CYRIB: variants seen among roughly 807,000 people sequenced by gnomAD.
CYRIB encodes CYFIP-related Rac1 interactor B.
In CYRIB, 8 loss-of-function variants were observed where a neutral mutation model predicts 44.2. The ratio of observed to expected loss-of-function variants is 0.18; its 90% CI spans 0.11 to 0.33. The LOEUF (loss-of-function observed/expected upper bound fraction) is 0.33. Ranked by LOEUF, CYRIB falls within the 10% of genes least tolerant of loss-of-function variation. The pLI is 1.00. For synonymous variants in CYRIB, 131 were observed against 127.2 expected, an observed-to-expected ratio of 1.03 and a Z score of -0.20; for missense variants, 185 against 382.8, an observed-to-expected ratio of 0.48 and a Z score of 4.31.
chr8:129,882,981 A>G (rs1185901853), intron 2 of CYRIB, among the ~76,000 whole-genome samples: 1 of 151,748 alleles, frequency 6.6e-6, no homozygotes, highest in Non-Finnish European at 1.5e-5. Context: ...GTAGATCACA[A>G]GGTCAGGAGT....
chr8:129,851,044 T>C, intron 8 of CYRIB, 130 bp from the exon 11 acceptor site: 1 of 637,202 alleles, frequency 1.6e-6, no homozygotes, highest in Non-Finnish European at 2.8e-6. Flanking sequence ...ATTTTCTAAA[T>C]AATGCACTAG....
chr8:129,919,522 A>G (rs2082440452), intron 1 of CYRIB, among the ~76,000 whole-genome samples: 1 of 152,152 alleles, frequency 6.6e-6, no homozygotes, highest in South Asian at 2.1e-4. Flanking sequence ...ATAAAATGCT[A>G]TGCTGGAGTT....
intron 2 of CYRIB, among the ~76,000 whole-genome samples, chr8:129,947,633 T>C (rs775214721): frequency 3.3e-5 from 5 of 152,156 alleles, no homozygotes; most frequent in Non-Finnish European, 7.3e-5. Flanking sequence ...TACATATTGA[T>C]TGCAGCAAAA....
chr8:129,873,437 T>A (rs559828776), intron 3 of CYRIB, among the ~76,000 whole-genome samples: 2 of 152,120 alleles, frequency 1.3e-5, no homozygotes, highest in South Asian at 4.1e-4. Context: ...ATACACTCTT[T>A]TTAAAAAAGC....
At chr8:129,931,872 CCA>C (rs1358217461) in intron 1 of CYRIB, among the ~76,000 whole-genome samples, 1 of 152,062 alleles carries the variant, frequency 6.6e-6, no homozygotes, top group Admixed American at 6.5e-5. Context: ...AGTGATTTGT[CCA>C]CCTCAGCCTC....
intron 1 of CYRIB, among the ~76,000 whole-genome samples, chr8:130,007,811 A>T (rs1056896711): frequency 2.6e-5 from 4 of 152,014 alleles, no homozygotes; most frequent in African/African-American, 9.7e-5. Context: ...AACAAAGTAC[A>T]GGACACTTGC....
chr8:129,863,592 C>T (rs189437400), intron 4 of CYRIB, among the ~76,000 whole-genome samples: 30 of 151,288 alleles, frequency 2.0e-4, no homozygotes, highest in Middle Eastern at 3.5e-3. Flanking sequence ...TAACTAAAAT[C>T]CTATCCTATT....
chr8:129,928,071 G>A (rs1271495011), intron 1 of CYRIB, among the ~76,000 whole-genome samples: 2 of 151,710 alleles, frequency 1.3e-5, no homozygotes, highest in Non-Finnish European at 2.9e-5. Context: ...CATAATCTTT[G>A]GTGAGGCAAA....
chr8:129,927,489 A>G (rs2088545554), intron 1 of CYRIB, among the ~76,000 whole-genome samples: 1 of 152,210 alleles, frequency 6.6e-6, no homozygotes, highest in African/African-American at 2.4e-5. Context: ...TCTCTCTTAA[A>G]GCTGACAATA....
At chr8:129,886,798 T>C (rs1438505768) in intron 2 of CYRIB, among the ~76,000 whole-genome samples, 1 of 152,006 alleles carries the variant, frequency 6.6e-6, no homozygotes, top group South Asian at 2.1e-4. Context: ...GGGCAGCACG[T>C]CTCACCTCCC....
chr8:129,869,312 G>C (rs2055817399), intron 4 of CYRIB, among the ~76,000 whole-genome samples: 1 of 150,294 alleles, frequency 6.7e-6, no homozygotes, highest in Admixed American at 6.6e-5. Flanking sequence ...GAACCTGGGA[G>C]GTGGAGGTTG....
upstream of CYRIB, among the ~76,000 whole-genome samples, chr8:129,943,500 TG>T (rs2130961323): frequency 6.8e-6 from 1 of 148,140 alleles, no homozygotes; most frequent in Non-Finnish European, 1.5e-5. Flanking sequence ...GAGGCTGAGG[TG>T]GGAGAATTGC....
intron 2 of CYRIB, among the ~76,000 whole-genome samples, chr8:129,881,520 G>C (rs1034295380): frequency 2.6e-5 from 4 of 152,160 alleles, no homozygotes; most frequent in African/African-American, 9.7e-5. Flanking sequence ...TCCAACATCA[G>C]CATATGTTTC....
intron 1 of CYRIB, among the ~76,000 whole-genome samples, chr8:130,016,081 G>C (rs1308454454): frequency 2.0e-5 from 3 of 150,714 alleles, no homozygotes; most frequent in African/African-American, 7.3e-5. Flanking sequence ...GTGGACCCGG[G>C]CGGCGGCCCC....
intron 1 of CYRIB, among the ~76,000 whole-genome samples, chr8:129,913,317 A>G (rs1293815813): frequency 1.3e-5 from 2 of 152,198 alleles, no homozygotes; most frequent in African/African-American, 4.8e-5. Context: ...CTCTTGAGAT[A>G]AACCTTGTCT....
intron 2 of CYRIB, among the ~76,000 whole-genome samples, chr8:129,955,700 A>G (rs961908197): frequency 1.3e-5 from 2 of 152,214 alleles, no homozygotes; most frequent in African/African-American, 4.8e-5. Context: ...ACAAGATAGC[A>G]TTTTATTAAT....
intron 9 of CYRIB, 190 bp downstream of exon 11, chr8:129,850,645 C>G (rs2042784056): frequency 1.7e-6 from 1 of 593,570 alleles, no homozygotes; most frequent in Admixed American, 3.2e-5. Flanking sequence ...CTATTTTATA[C>G]TTAACCAGAA....
chr8:129,996,571 A>G (rs1160940545), intron 1 of CYRIB, among the ~76,000 whole-genome samples: 1 of 152,056 alleles, frequency 6.6e-6, no homozygotes, highest in Non-Finnish European at 1.5e-5. Context: ...ATCATTCCCT[A>G]CTCATTTGTG....
intron 1 of CYRIB, among the ~76,000 whole-genome samples, chr8:129,993,861 CAA>C (rs113438463): frequency 1.2e-4 from 17 of 140,680 alleles, no homozygotes; most frequent in South Asian, 2.2e-4. Context: ...GACCCTGTCT[CAA>C]AAAAAAAAAA....
Sources: allele counts gnomAD v4.1 joint callset (sites outside exome capture counted in the v4.1 genomes callset), GRCh38; gene constraint gnomAD v4.1.1; transcripts MANE v1.5; gene names NCBI Gene and HGNC (gene_info 2026-07-23, HGNC 2026-07-21).